Variants in ANXA13 observed in about 807,000 individuals in gnomAD.
The protein encoded by ANXA13 is annexin A13.
Under a neutral mutation model 46.6 loss-of-function variants are expected in ANXA13, and 36 were observed. The ratio of observed to expected loss-of-function variants is 0.77; its 90% CI spans 0.59 to 1.02. The LOEUF (loss-of-function observed/expected upper bound fraction) is 1.02. ANXA13 is among the 50% of genes least tolerant of loss of function. ANXA13 has a pLI of 0.00. For synonymous variants in ANXA13, 163 were observed against 152.9 expected (o/e 1.07, Z -0.49); for missense variants, 417 against 396.5 (o/e 1.05, Z -0.44).
chr8:123,686,623 G>C (rs1028116265), intron 9 of ANXA13, among the ~76,000 whole-genome samples: 12 of 152,182 alleles, frequency 7.9e-5, no homozygotes, highest in Admixed American at 7.2e-4. Context: ...GTTTGTAGAA[G>C]TGTGGCTTCC....
chr8:123,704,257 C>T (rs1813500359), intron 2 of ANXA13, among the ~76,000 whole-genome samples: 2 of 151,910 alleles, frequency 1.3e-5, no homozygotes, highest in Non-Finnish European at 2.9e-5. Flanking sequence ...GCACAGCAGT[C>T]AGCAATCTCT....
Position 123,737,230 on chromosome 8 carries a change from T to C in ANXA13, c.15+90A>G, listed in dbSNP as rs150150959. ...TTAAAGGGTAACCATAGTGATAAAG[T>C]ATACAAGTATCAGTCATGATTTTAT... is the stretch of plus-strand genomic sequence containing the variant. On this transcript the variant is annotated intron_variant, in intron 1 of 10. Transcript: ENST00000419625. 2.8e-3 allele frequency: 3,432 copies of C among 1,247,212 alleles called. 13 individuals are homozygous for C. The highest frequency in any genetic ancestry group is 2.3e-3 in the Non-Finnish European group (1,964 of 859,202). The allele number at this position is 1,247,212 out of a possible 1,614,324, so 77.3% of individuals were successfully genotyped here.
At chr8:123,732,256 C>T (rs1467943565) in intron 1 of ANXA13, among the ~76,000 whole-genome samples, 1 of 152,176 alleles carries the variant, frequency 6.6e-6, no homozygotes, top group African/African-American at 2.4e-5. Context: ...ATAATAGTAT[C>T]TCCCTGATAG....
chr8:123,701,569 C>T (rs1018393609), intron 3 of ANXA13, among the ~76,000 whole-genome samples: 1 of 152,182 alleles, frequency 6.6e-6, no homozygotes, highest in South Asian at 2.1e-4. Flanking sequence ...TTATTTTCAT[C>T]AAAAATTACA....
At chr8:123,735,878 C>G (rs1466025353) in intron 1 of ANXA13, 1 of 1,593,718 alleles carries the variant, frequency 6.3e-7, no homozygotes, top group Admixed American at 1.8e-5. Context: ...ACGACTGGCT[C>G]TGAGGATTAA....
At chr8:123,731,293 T>C (rs1814112642) in intron 1 of ANXA13, among the ~76,000 whole-genome samples, 1 of 152,116 alleles carries the variant, frequency 6.6e-6, no homozygotes, top group African/African-American at 2.4e-5. Context: ...TTGGATACAT[T>C]AGAATCATTT....
chr8:123,702,455 A>G (rs1214513322), intron 3 of ANXA13, among the ~76,000 whole-genome samples, 187 bp downstream of exon 3: 1 of 152,244 alleles, frequency 6.6e-6, no homozygotes, highest in Non-Finnish European at 1.5e-5. Context: ...TTTACAGGCT[A>G]TTGAGTTAAC....
intron 1 of ANXA13, among the ~76,000 whole-genome samples, chr8:123,718,786 G>A (rs1208304675): frequency 6.6e-6 from 1 of 152,318 alleles, no homozygotes; most frequent in South Asian, 2.1e-4. Flanking sequence ...CCTAGGAAGC[G>A]GTGTCACCTT....
At position 123,702,750 on chromosome 8, in the gene ANXA13, GAAAC is replaced by G. The variant is rs748520214; in HGVS notation, c.92-18_92-15del. ...CTTCATTGGTCCCTAAAATACAGGAGAAACAAACAAAGCCACAGTGAATAAGAAA... is the reference window on the plus strand; with the variant it reads ...CTTCATTGGTCCCTAAAATACAGGAGAAACAAAGCCACAGTGAATAAGAAA... On this transcript the variant is annotated splice_polypyrimidine_tract_variant and intron_variant, in intron 2 of 10. Coordinates refer to ENST00000419625, the MANE Select transcript of ANXA13 (RefSeq NM_004306.4). 1 of 1,606,966 alleles carries G rather than the reference GAAAC, an allele frequency of 6.2e-7. No individual in the cohort carries two copies. The highest frequency in any genetic ancestry group is 8.5e-7 in the Non-Finnish European group (1 of 1,173,566).
intron 1 of ANXA13, chr8:123,727,800 G>A (rs1442956239): frequency 4.6e-5 from 7 of 152,044 alleles, no homozygotes; most frequent in Non-Finnish European, 8.8e-5. Context: ...GGTGGTAAAC[G>A]GCACACAGGT....
At chr8:123,703,678 TGAAG>T (rs908525756) in intron 2 of ANXA13, among the ~76,000 whole-genome samples, 2 of 152,180 alleles carry the variant, frequency 1.3e-5, no homozygotes, top group African/African-American at 4.8e-5. Context: ...ATTGAAACCA[TGAAG>T]GGAGGTTGCC....
chr8:123,698,369 C>T lies in ANXA13; in HGVS notation c.357+20G>A, dbSNP rs199955928. The T allele has an allele frequency of 4.3e-5, 70 of 1,611,604 alleles. No homozygotes were observed. The East Asian group carries it at 4.7e-4, about 11-fold the overall frequency. ...CTATTGGGTGTGTGATGCTCCCTTG[C>T]GGGCTCAGCTGGGACTGACCTTATT... On this transcript the variant is annotated intron_variant, in intron 4 of 10. Coordinates refer to ENST00000419625, the MANE Select transcript of ANXA13 (RefSeq NM_004306.4).
At chr8:123,688,609 G>A (rs1813179928) in intron 9 of ANXA13, among the ~76,000 whole-genome samples, 1 of 152,180 alleles carries the variant, frequency 6.6e-6, no homozygotes, top group African/African-American at 2.4e-5. Flanking sequence ...GGTACAGCCA[G>A]TGTTACATGA....
chr8:123,725,528 C>T (rs1813965942), intron 1 of ANXA13, among the ~76,000 whole-genome samples: 1 of 152,130 alleles, frequency 6.6e-6, no homozygotes, highest in African/African-American at 2.4e-5. Flanking sequence ...CAGAAAATAT[C>T]CTGGTGACAT....
rs374594437 is a variant in ANXA13, at chr8:123,737,324, C to T, written c.11G>A (p.Arg4His). ...CCAAAGGCAATGAGTACTTACATGA[C>T]GATTGCCCATTTTCCTTTTTCTGAG... MGN[R>H]HAKASSPQGF... is the part of the protein sequence containing the mutation. The change falls in exon 1 of 11, where the codon CGT becomes CAT. Residue 4 changes from arginine (R) to histidine (H), a missense_variant. Arg to His is a conservative substitution (Grantham distance 29). Coordinates refer to ENST00000419625, the MANE Select transcript of ANXA13 (RefSeq NM_004306.4). 9.1e-5 allele frequency: 146 copies of T among 1,610,774 alleles called. No individual in the cohort carries two copies. The highest frequency in any genetic ancestry group is 1.1e-4 in the South Asian group (10 of 90,716).
At chr8:123,701,167 T>C (rs1813440422) in intron 3 of ANXA13, among the ~76,000 whole-genome samples, 1 of 152,102 alleles carries the variant, frequency 6.6e-6, no homozygotes, top group Non-Finnish European at 1.5e-5. Context: ...GTTAGGGATG[T>C]TGACAGGGAT....
intron 1 of ANXA13, among the ~76,000 whole-genome samples, chr8:123,720,829 C>T (rs542962207): frequency 1.3e-5 from 2 of 152,130 alleles, no homozygotes; most frequent in Non-Finnish European, 2.9e-5. Flanking sequence ...GCAATCCTCC[C>T]GCCTCATGTG....
chr8:123,702,422 G>A (rs574697193), intron 3 of ANXA13, among the ~76,000 whole-genome samples: 1 of 152,312 alleles, frequency 6.6e-6, no homozygotes, highest in South Asian at 2.1e-4. Context: ...GTCAATTTAA[G>A]AAATGAGTTT....
chr8:123,681,126 A>G lies in ANXA13; in HGVS notation c.*114T>C. 2 of 1,393,232 alleles carry G rather than the reference A, an allele frequency of 1.4e-6. No homozygotes were observed. The highest frequency in any genetic ancestry group is 3.3e-5 in the South Asian group (2 of 60,558). The allele number at this position is 1,393,232 out of a possible 1,614,324, so 86.3% of individuals were successfully genotyped here. On this transcript the variant is annotated 3_prime_UTR_variant, in exon 11 of 11. Transcript: ENST00000419625. Reference sequence around the variant, plus strand: ...GCTGCGCCACTTAAGCTGCCAAGAAAGTAATCCGGGACTCTTAAGGGTTTT... The same window carrying G: ...GCTGCGCCACTTAAGCTGCCAAGAAGGTAATCCGGGACTCTTAAGGGTTTT...
Sources: gnomAD v4.1 joint callset for allele counts (sites outside exome capture counted in the v4.1 genomes callset) on GRCh38, gnomAD v4.1.1 for gene constraint, MANE v1.5 for transcripts, NCBI Gene and HGNC (gene_info 2026-07-23, HGNC 2026-07-21) for gene names.